DNAH2: variants seen among roughly 807,000 people sequenced by gnomAD.
The protein encoded by DNAH2 is dynein axonemal heavy chain 2, also known as axonemal beta dynein heavy chain 2.
A neutral mutation model predicts 523.5 loss-of-function variants in DNAH2; 323 were observed. The ratio of observed to expected loss-of-function variants is 0.62; its 90% CI spans 0.56 to 0.68. The LOEUF is 0.68. DNAH2 is among the 30% of genes least tolerant of loss of function. DNAH2 has a pLI of 0.00. For missense variants in DNAH2, 4,907 were observed against 5,701.5 expected (o/e 0.86, Z 4.49); for synonymous variants, 2,093 against 2,177.4 (o/e 0.96, Z 1.08).
chr17:7,723,094 A>C (rs113208475), intron 2 of DNAH2, among the ~76,000 whole-genome samples: 11 of 143,602 alleles, frequency 7.7e-5, no homozygotes, highest in Admixed American at 2.1e-4. Flanking sequence ...CTCAGCCTCC[A>C]GAGTAGCTGG....
chr17:7,818,093 A>G lies in DNAH2; in HGVS notation c.10384A>G (p.Ile3462Val), dbSNP rs1419091599. Residue 3462 changes from isoleucine (I) to valine (V), a missense_variant, in exon 68 of 86, where the codon ATC becomes GTC. By Grantham distance (29) the Ile-to-Val change is conservative. Coordinates refer to ENST00000572933, the MANE Select transcript of DNAH2 (RefSeq NM_020877.5). Reference sequence around the variant, plus strand: ...CATGCTCAACAAATCTGTAGCCCGAATCGGTCAGGACAAGTCCCCAAGACC... The same window carrying G: ...CATGCTCAACAAATCTGTAGCCCGAGTCGGTCAGGACAAGTCCCCAAGACC... ...NPMLNKSVAR[I>V]GGRLLMRIGD... 1 of 1,610,886 alleles carries G rather than the reference A, an allele frequency of 6.2e-7. No individual in the cohort carries two copies. The highest frequency in any genetic ancestry group is 1.7e-5 in the Admixed American group (1 of 60,016).
In DNAH2 at chr17:7,740,376, C is replaced by A. The variant is rs200009391; in HGVS notation, c.1377-44C>A. On this transcript the variant is annotated intron_variant, in intron 9 of 85. Coordinates refer to ENST00000572933, the MANE Select transcript of DNAH2 (RefSeq NM_020877.5). The stretch of plus-strand genomic sequence containing the variant: ...CTTCCTCAGGGGTTGGAGTTGGGGG[C>A]AGGCGAGGGCACTCAGCTGCCACAT... 46 of 1,607,772 alleles carry A rather than the reference C, an allele frequency of 2.9e-5. No individual in the cohort carries two copies. The East Asian group carries it at 9.6e-4, about 34-fold the overall frequency.
Position 7,798,131 on chromosome 17 carries a change from T to C in DNAH2, c.8231-26T>C. Reference sequence around the variant, plus strand: ...CCCTGAGTTTGCTCAGCCAACTCATTACCCTCACACCCACCCCACCCCCAG... The same window carrying C: ...CCCTGAGTTTGCTCAGCCAACTCATCACCCTCACACCCACCCCACCCCCAG... On this transcript the variant is annotated intron_variant, in intron 53 of 85. Coordinates refer to ENST00000572933, the MANE Select transcript of DNAH2 (RefSeq NM_020877.5). The surrounding 1 kb of genome is among the most constrained non-coding windows in gnomAD (Gnocchi z 5.5). 6.4e-7 allele frequency: 1 copy of C among 1,562,396 alleles called. No individual in the cohort carries two copies. Among genetic ancestry groups the C allele is most frequent in the Non-Finnish European group, 8.7e-7 (1 of 1,149,100 alleles).
chr17:7,822,757 C>G lies in DNAH2; in HGVS notation c.11143-685C>G, dbSNP rs60445184. 0.011 allele frequency among the ~76,000 whole-genome samples: 1,731 copies of G among 152,114 alleles called. 89 individuals are homozygous for G. The South Asian group carries it at 0.15, about 13-fold the overall frequency. On this transcript the variant is annotated intron_variant, in intron 73 of 85. Transcript: ENST00000572933. Reference sequence around the variant, plus strand: ...CCCAATGATTAAAATGCATAGTTGGCGAACAATAAATATTTGTTAAGAAGA... The same window carrying G: ...CCCAATGATTAAAATGCATAGTTGGGGAACAATAAATATTTGTTAAGAAGA...
chr17:7,780,173 A>G lies in DNAH2; in HGVS notation c.5739A>G (p.Thr1913=). 1 of 1,613,638 alleles carries G rather than the reference A, an allele frequency of 6.2e-7. No homozygotes were observed. ...ITMNPGYAGR[T]ELPENLKSMF... ...GTTTTCCAGGCTATGCTGGCCGCAC[A>G]GAGCTTCCCGAAAATCTTAAATCCA... Residue 1913 remains threonine (T), a synonymous_variant, in exon 37 of 86, where the codon ACA becomes ACG. Coordinates refer to ENST00000572933, the MANE Select transcript of DNAH2 (RefSeq NM_020877.5). The surrounding 1 kb of genome is among the most constrained non-coding windows in gnomAD (Gnocchi z 4.4).
rs1238716620 is a variant in DNAH2, at chr17:7,767,894, C to G, written c.3676-6C>G. The G allele has an allele frequency of 9.3e-6, 15 of 1,613,962 alleles. No homozygotes were observed. The highest frequency in any genetic ancestry group is 1.3e-5 in the Non-Finnish European group (15 of 1,180,018). On this transcript the variant is annotated splice_polypyrimidine_tract_variant and splice_region_variant and intron_variant, in intron 22 of 85. Coordinates refer to ENST00000572933, the MANE Select transcript of DNAH2 (RefSeq NM_020877.5). ...ACTTCATGCAACGCGCCTTTCTGCC[C>G]TGTAGGAGCTCGATGCCCTCCAGCA... is the stretch of plus-strand genomic sequence containing the variant.
In DNAH2 at chr17:7,831,249, A is replaced by T. The variant is rs1181975374; in HGVS notation, c.12394A>T (p.Thr4132Ser). 1.2e-6 allele frequency: 2 copies of T among 1,614,110 alleles called. No homozygotes were observed. Among genetic ancestry groups the T allele is most frequent in the South Asian group, 2.2e-5 (2 of 91,076 alleles). The change falls in exon 80 of 86, where the codon ACT becomes TCT. Residue 4132 changes from threonine (T) to serine (S), a missense_variant. Coordinates refer to ENST00000572933, the MANE Select transcript of DNAH2 (RefSeq NM_020877.5). This position sits in a 1 kb window ranked among gnomAD's most constrained non-coding sequence, Gnocchi z 4.2. ...QITEAQTLFD[T>S]LLSLQPQITP... ...CACTGAGGCACAAACCCTCTTTGAT[A>T]CTTTGCTTTCCTTGCAACCTCAGAT... is the stretch of plus-strand genomic sequence containing the variant.
chr17:7,758,607 G>A lies in DNAH2; in HGVS notation c.2164G>A (p.Ala722Thr), dbSNP rs2075911569. 6.2e-7 allele frequency: 1 copy of A among 1,614,168 alleles called. No homozygotes were observed. Residue 722 changes from alanine to threonine, a missense_variant, in exon 14 of 86, where the codon GCC becomes ACC. Physicochemically the swap from Ala to Thr is moderately conservative, Grantham distance 58. Coordinates refer to ENST00000572933, the MANE Select transcript of DNAH2 (RefSeq NM_020877.5). Reference protein sequence around the residue: ...LKKLHWALKGASAFFITECRI... With the variant: ...LKKLHWALKGTSAFFITECRI... Reference sequence around the variant, plus strand: ...GAAACTGCACTGGGCCTTGAAGGGGGCCAGTGCCTTCTTCATCACGGAGTG... The same window carrying A: ...GAAACTGCACTGGGCCTTGAAGGGGACCAGTGCCTTCTTCATCACGGAGTG...
intron 42 of DNAH2, chr17:7,787,287 C>T (rs917903378): frequency 5.7e-5 from 31 of 546,712 alleles, no homozygotes; most frequent in Non-Finnish European, 8.4e-5. Flanking sequence ...CTCCTCGGCT[C>T]GTTCTCACGG....
chr17:7,789,722 G>A (rs985276326), intron 44 of DNAH2, among the ~76,000 whole-genome samples: 1 of 151,874 alleles, frequency 6.6e-6, no homozygotes, highest in East Asian at 1.9e-4. Flanking sequence ...GACTACAGGT[G>A]CCTGCCACCA....
chr17:7,786,548 C>T lies in DNAH2; in HGVS notation c.6349-22C>T. ...GGTTTTTGTCCATCAGCAGCTAAAA[C>T]CCCTTCCGGTGTCATTTTCAGGAGT... On this transcript the variant is annotated intron_variant, in intron 40 of 85. Transcript: ENST00000572933. This position sits in a 1 kb window ranked among gnomAD's most constrained non-coding sequence, Gnocchi z 7.5. 6.2e-7 allele frequency: 1 copy of T among 1,606,642 alleles called. No homozygotes were observed. The highest frequency in any genetic ancestry group is 8.5e-7 in the Non-Finnish European group (1 of 1,174,250).
In DNAH2 at chr17:7,760,591, A is replaced by T; in HGVS notation, c.2786-149A>T. The T allele has an allele frequency of 1.4e-6, 1 of 701,566 alleles. No individual in the cohort carries two copies. Among genetic ancestry groups the T allele is most frequent in the Non-Finnish European group, 2.4e-6 (1 of 419,362 alleles). The allele number at this position is 701,566 out of a possible 1,614,324, so 43.5% of individuals were successfully genotyped here. On this transcript the variant is annotated intron_variant, in intron 17 of 85. Coordinates refer to ENST00000572933, the MANE Select transcript of DNAH2 (RefSeq NM_020877.5). This position sits in a 1 kb window ranked among gnomAD's most constrained non-coding sequence, Gnocchi z 4.0. The stretch of plus-strand genomic sequence containing the variant: ...AGAGTCACATTTTCACTTTCTGCCT[A>T]CTCCTTTACCTTCTAATGTGCATGT...
rs918948129 is a variant in DNAH2, at chr17:7,807,077, G to A, written c.9443-73G>A. The A allele has an allele frequency of 6.5e-7, 1 of 1,542,566 alleles. No homozygotes were observed. The highest frequency in any genetic ancestry group is 8.7e-7 in the Non-Finnish European group (1 of 1,144,990). ...GGAAAAATGTGGCTATGCGTGAGTA[G>A]TGGAGGTGAAACTGCTGGACAAGGA... On this transcript the variant is annotated intron_variant, in intron 61 of 85. Coordinates refer to ENST00000572933, the MANE Select transcript of DNAH2 (RefSeq NM_020877.5). This position sits in a 1 kb window ranked among gnomAD's most constrained non-coding sequence, Gnocchi z 5.6.
At chr17:7,778,714 G>A (rs904161486) in intron 35 of DNAH2, among the ~76,000 whole-genome samples, 10 of 152,044 alleles carry the variant, frequency 6.6e-5, no homozygotes, top group Non-Finnish European at 1.2e-4. Context: ...GATTACAGGC[G>A]TGTGACACCA....
At chr17:7,730,929 A>G (rs925483153) in intron 4 of DNAH2, among the ~76,000 whole-genome samples, 1 of 152,170 alleles carries the variant, frequency 6.6e-6, no homozygotes, top group African/African-American at 2.4e-5. Flanking sequence ...AGCCTGGGCA[A>G]CATAGTGAAA....
Position 7,739,886 on chromosome 17 carries a change from C to T in DNAH2, c.1324C>T (p.Arg442Cys), listed in dbSNP as rs747656989. The T allele has an allele frequency of 1.3e-5, 21 of 1,613,868 alleles. No individual in the cohort carries two copies. The highest frequency in any genetic ancestry group is 6.7e-5 in the East Asian group (3 of 44,892). ...AAATCTGCACACGCTGCGAGCCGTT[C>T]GCGGGGGTATCCTGGATGTCAAGAA... ...HKNLHTLRAV[R>C]GGILDVKNTC... Residue 442 changes from arginine (R) to cysteine (C), a missense_variant, in exon 9 of 86, where the codon CGC becomes TGC. Coordinates refer to ENST00000572933, the MANE Select transcript of DNAH2 (RefSeq NM_020877.5).
At chr17:7,808,303 G>A (rs1471825194) in intron 63 of DNAH2, among the ~76,000 whole-genome samples, 1 of 151,698 alleles carries the variant, frequency 6.6e-6, no homozygotes, top group Non-Finnish European at 1.5e-5. Flanking sequence ...CCCAGGAGGT[G>A]GAGGTTGCAG....
At chr17:7,768,973 C>T (rs540849885) in intron 24 of DNAH2, among the ~76,000 whole-genome samples, 3 of 152,274 alleles carry the variant, frequency 2.0e-5, no homozygotes, top group Admixed American at 6.5e-5. Context: ...GGTGATTCCA[C>T]ATCTTAGCTA....
rs1231731848 is a variant in DNAH2 at position 7,788,220 on chromosome 17, TGCCCTGGCCAC to T, written c.6880_6890del (p.Leu2294ArgfsTer8). ...TCACCTCCCTCTGCAAGCTGTACTCTGCCCTGGCCACGCCAGAGAATGGGGTAAGGGGAGGA... is the reference window on the plus strand; with the variant it reads ...TCACCTCCCTCTGCAAGCTGTACTCTGCCAGAGAATGGGGTAAGGGGAGGA... On this transcript the variant is annotated frameshift_variant, in exon 44 of 86. Coordinates refer to ENST00000572933, the MANE Select transcript of DNAH2 (RefSeq NM_020877.5). LOFTEE classifies it high-confidence loss of function. 1 of 1,600,480 alleles carries T rather than the reference TGCCCTGGCCAC, an allele frequency of 6.2e-7. No homozygotes were observed. The highest frequency in any genetic ancestry group is 1.1e-5 in the South Asian group (1 of 89,036).
Sources: allele counts gnomAD v4.1 joint callset (sites outside exome capture counted in the v4.1 genomes callset), GRCh38; gene constraint gnomAD v4.1.1; non-coding constraint Gnocchi (gnomAD v3.1); transcripts MANE v1.5; gene names NCBI Gene and HGNC (gene_info 2026-07-23, HGNC 2026-07-21).